Variants in ATOH8 observed in about 807,000 individuals in gnomAD.
ATOH8 encodes the protein atonal bHLH transcription factor 8.
A neutral mutation model predicts 21.2 loss-of-function variants in ATOH8; 9 were observed. That is an observed-to-expected ratio of 0.42 (90% CI 0.26 to 0.74). The LOEUF (loss-of-function observed/expected upper bound fraction) is 0.74, where lower values mean the gene tolerates loss of function less well. Among genes scored for constraint, ATOH8 ranks in the 30% least tolerant of loss-of-function variants. The probability of loss-of-function intolerance (pLI) is 0.24; values close to 1 mark genes in which losing one functional copy is unlikely to be tolerated. For synonymous variants in ATOH8, 253 were observed against 224.0 expected (o/e 1.13, Z -1.16); for missense variants, 524 against 470.9 (o/e 1.11, Z -1.04).
rs78980257 is a variant in ATOH8 at position 85,766,352 on chromosome 2, C to A, written c.960+2170C>A. Reference sequence around the variant, plus strand: ...CACCCTCCCTCCCCCACACCCAGCCCGGGCCTGAGGGCACTTCCTGCCTCC... The same window carrying A: ...CACCCTCCCTCCCCCACACCCAGCCAGGGCCTGAGGGCACTTCCTGCCTCC... On this transcript the variant is annotated intron_variant, in intron 2 of 2. Coordinates refer to ENST00000306279, the MANE Select transcript of ATOH8 (RefSeq NM_032827.7). The surrounding 1 kb of genome is among the most constrained non-coding windows in gnomAD (Gnocchi z 4.0). Among the ~76,000 whole-genome samples the A allele has an allele frequency of 6.6e-6, 1 of 151,970 alleles. No homozygotes were observed. The highest frequency in any genetic ancestry group is 2.4e-5 in the African/African-American group (1 of 41,368).
chr2:85,772,497 A>G, intron 2 of ATOH8: 1 of 347,286 alleles, frequency 2.9e-6, no homozygotes, highest in East Asian at 7.9e-5. Context: ...GAGGGCAGGG[A>G]AAGCACGCGA....
At chr2:85,756,315 CTGCATCGCTGGGTA>C (rs1679693591) in intron 1 of ATOH8, among the ~76,000 whole-genome samples, 1 of 152,170 alleles carries the variant, frequency 6.6e-6, no homozygotes, top group Non-Finnish European at 1.5e-5. Context: ...AGCTCTGTGT[CTGCATCGCTGGGTA>C]GAGGTGGCGG....
At chr2:85,757,211 A>G (rs1276881504) in intron 1 of ATOH8, among the ~76,000 whole-genome samples, 1 of 152,258 alleles carries the variant, frequency 6.6e-6, no homozygotes, top group Non-Finnish European at 1.5e-5. Flanking sequence ...GCTGGGAAGG[A>G]AAGAAATACA....
At chr2:85,770,695 G>A (rs909336360) in intron 2 of ATOH8, among the ~76,000 whole-genome samples, 1 of 152,184 alleles carries the variant, frequency 6.6e-6, no homozygotes, top group Non-Finnish European at 1.5e-5. Context: ...CCTGAACGTG[G>A]ACCGTGCCTC....
rs762744938 is a variant in ATOH8 at position 85,754,706 on chromosome 2, G to A, written c.517G>A (p.Ala173Thr). 1.9e-6 allele frequency: 3 copies of A among 1,609,230 alleles called. No individual in the cohort carries two copies. Among genetic ancestry groups the A allele is most frequent in the South Asian group, 1.1e-5 (1 of 90,930 alleles). ...GCCGTCAGCACCCCCAGCACCGCCA[G>A]CGCCCCCGGAGTCCACTGTGCGCCC... ...PAPSAPPAPP[A>T]PPESTVRPAP... Residue 173 changes from alanine to threonine, a missense_variant, in exon 1 of 3, where the codon GCG becomes ACG. Transcript: ENST00000306279.
In ATOH8 at chr2:85,763,492, TC is replaced by T. The variant is rs1679921963; in HGVS notation, c.769-495del. Among the ~76,000 whole-genome samples, 3 of 152,290 alleles carry T rather than the reference TC, an allele frequency of 2.0e-5. No homozygotes were observed. The South Asian group carries it at 6.2e-4, about 32-fold the overall frequency. Reference sequence around the variant, plus strand: ...GCACTGACACTTTCCTTCCTGTATGTCCCCAGAGTCCCAGGTGTGACATTAT... The same window carrying T: ...GCACTGACACTTTCCTTCCTGTATGTCCCAGAGTCCCAGGTGTGACATTAT... On this transcript the variant is annotated intron_variant, in intron 1 of 2. Transcript: ENST00000306279.
intron 2 of ATOH8, among the ~76,000 whole-genome samples, chr2:85,772,445 C>A (rs1397868159): frequency 5.3e-5 from 8 of 152,282 alleles, no homozygotes; most frequent in African/African-American, 1.9e-4. Context: ...TCCAGATGTT[C>A]CGAGCGCTCG....
intron 2 of ATOH8, among the ~76,000 whole-genome samples, chr2:85,777,803 C>T (rs1573535413): frequency 6.6e-6 from 1 of 152,310 alleles, no homozygotes; most frequent in Admixed American, 6.5e-5. Context: ...TGGAGCCTGG[C>T]GTGGTCTAAA....
chr2:85,787,796 A>C lies in ATOH8; in HGVS notation c.*906A>C, dbSNP rs1385784096. ...AGAGTTTTTCTCTTGTTCAGCCTGC[A>C]CGTGGCCTGAGGAAGGAGTAGAGGC... is the stretch of plus-strand genomic sequence containing the variant. On this transcript the variant is annotated 3_prime_UTR_variant, in exon 3 of 3. Transcript: ENST00000306279. The C allele has an allele frequency of 6.5e-6, 1 of 152,808 alleles. No homozygotes were observed. Among genetic ancestry groups the C allele is most frequent in the Non-Finnish European group, 1.5e-5 (1 of 68,158 alleles). The allele number at this position is 152,808 out of a possible 1,614,324, so 9.5% of individuals were successfully genotyped here.
chr2:85,763,767 G>C (rs1485942353), intron 1 of ATOH8, among the ~76,000 whole-genome samples: 1 of 151,816 alleles, frequency 6.6e-6, no homozygotes, highest in African/African-American at 2.4e-5. Context: ...AGCCAAACCT[G>C]TTTCTTCCCC....
intron 1 of ATOH8, among the ~76,000 whole-genome samples, chr2:85,759,899 GT>G (rs1679814054): frequency 6.6e-6 from 1 of 152,110 alleles, no homozygotes; most frequent in Non-Finnish European, 1.5e-5. Context: ...TCTCTGGTGG[GT>G]TCTCGGAGTT....
chr2:85,763,463 C>G (rs1365455634), intron 1 of ATOH8, among the ~76,000 whole-genome samples: 1 of 152,156 alleles, frequency 6.6e-6, no homozygotes, highest in African/African-American at 2.4e-5. Flanking sequence ...GTCTTTCCAG[C>G]TGAGCACTGA....
Position 85,788,300 on chromosome 2 carries a change from C to G in ATOH8, c.*1410C>G, listed in dbSNP as rs77880712. 4.1e-3 allele frequency among the ~76,000 whole-genome samples: 628 copies of G among 152,200 alleles called. 39 individuals carry two copies. In the East Asian group the frequency reaches 0.11, roughly 26 times the overall value. On this transcript the variant is annotated 3_prime_UTR_variant, in exon 3 of 3. Transcript: ENST00000306279. ...TGGTCAGGAACACATGAGGAGCCCT[C>G]TCTGTCCGCACTGCACTCAATCTGT... is the stretch of plus-strand genomic sequence containing the variant.
In ATOH8 at chr2:85,785,257, C is replaced by T. The variant is rs1680595419; in HGVS notation, c.961-1628C>T. Among the ~76,000 whole-genome samples the T allele has an allele frequency of 6.6e-6, 1 of 152,234 alleles. No individual in the cohort carries two copies. Among genetic ancestry groups the T allele is most frequent in the Non-Finnish European group, 1.5e-5 (1 of 68,036 alleles). On this transcript the variant is annotated intron_variant, in intron 2 of 2. Coordinates refer to ENST00000306279, the MANE Select transcript of ATOH8 (RefSeq NM_032827.7). The surrounding 1 kb of genome is among the most constrained non-coding windows in gnomAD (Gnocchi z 4.1). ...CGGGATGACGCGAGCTGTAAATCAC[C>T]CCGTGGACCACAGACCCAGTGCCAT...
chr2:85,788,876 G>C lies in ATOH8; in HGVS notation c.*1986G>C, dbSNP rs1290059641. Among the ~76,000 whole-genome samples the C allele has an allele frequency of 6.6e-6, 1 of 152,192 alleles. No homozygotes were observed. Among genetic ancestry groups the C allele is most frequent in the African/African-American group, 2.4e-5 (1 of 41,460 alleles). ...GGCTGGCACAGAAACAGGGGACCCAGGTGGCCCTGAGCACTCCTCAGAGCA... is the reference window on the plus strand; with the variant it reads ...GGCTGGCACAGAAACAGGGGACCCACGTGGCCCTGAGCACTCCTCAGAGCA... On this transcript the variant is annotated 3_prime_UTR_variant, in exon 3 of 3. Coordinates refer to ENST00000306279, the MANE Select transcript of ATOH8 (RefSeq NM_032827.7).
chr2:85,754,064 C>CGAGGGGGAGAAAGGGAGAGAGG lies in ATOH8; in HGVS notation c.-116_-95dup, dbSNP rs1679581645. The CGAGGGGGAGAAAGGGAGAGAGG allele has an allele frequency of 8.9e-6, 10 of 1,125,764 alleles. No individual in the cohort carries two copies. The highest frequency in any genetic ancestry group is 6.5e-5 in the African/African-American group (3 of 46,350). The allele number at this position is 1,125,764 out of a possible 1,614,324, so 69.7% of individuals were successfully genotyped here. A position where few individuals can be genotyped will look rare whatever the true frequency, so the allele number is the denominator to read the frequency against. On this transcript the variant is annotated 5_prime_UTR_variant, in exon 1 of 3. Coordinates refer to ENST00000306279, the MANE Select transcript of ATOH8 (RefSeq NM_032827.7). ...AAGCCGGCGGCGCAGCTGCCCGGGG[C>CGAGGGGGAGAAAGGGAGAGAGG]GAGGGGGAGAAAGGGAGAGAGGGAG...
At position 85,754,187 on chromosome 2, in the gene ATOH8, G is replaced by T. The variant is rs761875866; in HGVS notation, c.-3G>T. On this transcript the variant is annotated 5_prime_UTR_variant, in exon 1 of 3. Coordinates refer to ENST00000306279, the MANE Select transcript of ATOH8 (RefSeq NM_032827.7). Reference sequence around the variant, plus strand: ...CGCCCCTGCCTCGCGCGCCGCCCGCGCCATGAAGCACATCCCGGTCCTCGA... The same window carrying T: ...CGCCCCTGCCTCGCGCGCCGCCCGCTCCATGAAGCACATCCCGGTCCTCGA... The T allele has an allele frequency of 6.3e-7, 1 of 1,575,818 alleles. No individual in the cohort carries two copies. The highest frequency in any genetic ancestry group is 8.6e-7 in the Non-Finnish European group (1 of 1,164,772).
Position 85,785,524 on chromosome 2 carries a change from C to T in ATOH8, c.961-1361C>T, listed in dbSNP as rs1018821186. Among the ~76,000 whole-genome samples, 1 of 152,254 alleles carries T rather than the reference C, an allele frequency of 6.6e-6. No homozygotes were observed. Among genetic ancestry groups the T allele is most frequent in the Admixed American group, 6.5e-5 (1 of 15,284 alleles). ...TCCTTGGACCCCACTTCAGCCTTGC[C>T]CCAGACTTGCGTCTTGGCTGGCTGC... On this transcript the variant is annotated intron_variant, in intron 2 of 2. Coordinates refer to ENST00000306279, the MANE Select transcript of ATOH8 (RefSeq NM_032827.7). The surrounding 1 kb of genome is among the most constrained non-coding windows in gnomAD (Gnocchi z 4.1).
chr2:85,779,741 A>C (rs989703597), intron 2 of ATOH8, among the ~76,000 whole-genome samples: 1 of 152,216 alleles, frequency 6.6e-6, no homozygotes, highest in Non-Finnish European at 1.5e-5. Context: ...TCAGGCCTCC[A>C]TTTCCTCATC....
Sources: allele counts gnomAD v4.1 joint callset (sites outside exome capture counted in the v4.1 genomes callset), GRCh38; gene constraint gnomAD v4.1.1; non-coding constraint Gnocchi (gnomAD v3.1); transcripts MANE v1.5; gene names NCBI Gene and HGNC (gene_info 2026-07-23, HGNC 2026-07-21).